USP33: variants seen among roughly 807,000 people sequenced by gnomAD.
USP33 encodes ubiquitin carboxyl-terminal hydrolase 33.
In USP33, 46 loss-of-function variants were observed where a neutral mutation model predicts 124.2. The ratio of observed to expected loss-of-function variants is 0.37; its 90% CI spans 0.29 to 0.47. The LOEUF (loss-of-function observed/expected upper bound fraction) is 0.47, where lower values mean the gene tolerates loss of function less well. Among genes scored for constraint, USP33 ranks in the 20% least tolerant of loss-of-function variants. The pLI, the probability that USP33 is intolerant of heterozygous loss-of-function variation, is 0.99. For synonymous variants in USP33, 350 were observed against 352.3 expected, an observed-to-expected ratio of 0.99 and a Z score of 0.07; for missense variants, 851 against 1,070.6, an observed-to-expected ratio of 0.79 and a Z score of 2.86.
chr1:77,723,230 A>G (rs1676777278), intron 12 of USP33, 101 bp downstream of exon 12: 2 of 872,560 alleles, frequency 2.3e-6, no homozygotes, highest in Non-Finnish European at 3.6e-6. Flanking sequence ...TATGCTCATC[A>G]ATAGCAAAGA....
chr1:77,729,657 C>CA (rs1352100258), intron 9 of USP33, among the ~76,000 whole-genome samples: 5 of 151,674 alleles, frequency 3.3e-5, no homozygotes, highest in Admixed American at 6.6e-5. Context: ...GGCGATAGAG[C>CA]AAGACTCTGC....
intron 17 of USP33, chr1:77,717,648 ATAT>A (rs1676078126): frequency 3.2e-6 from 1 of 311,140 alleles, no homozygotes; most frequent in Admixed American, 4.9e-5. Flanking sequence ...TTTTATTCAG[ATAT>A]TATTTAAAAG....
intron 21 of USP33, among the ~76,000 whole-genome samples, chr1:77,705,713 C>T (rs893804729): frequency 2.6e-5 from 4 of 151,966 alleles, no homozygotes; most frequent in South Asian, 2.1e-4. Context: ...TCCCACTCTT[C>T]GTATGGACTT....
intron 7 of USP33, among the ~76,000 whole-genome samples, chr1:77,732,637 G>A (rs12030080): frequency 0.061 from 9,192 of 151,924 alleles, 364 homozygotes; most frequent in East Asian, 0.18. Context: ...ACTGTACCCC[G>A]TCACACAGAT....
At chr1:77,759,593 G>C (rs1211752695) in intron 1 of USP33, 50 bp downstream of exon 1, 2 of 398,094 alleles carry the variant, frequency 5.0e-6, no homozygotes, top group African/African-American at 2.1e-5. Context: ...CCCCGGACGC[G>C]AGCGAAACGC....
intron 1 of USP33, among the ~76,000 whole-genome samples, chr1:77,750,726 T>C (rs368300050): frequency 6.6e-6 from 1 of 152,190 alleles, no homozygotes; most frequent in South Asian, 2.1e-4. Flanking sequence ...AGGCTAACAA[T>C]TTGTCCCAAG....
intron 21 of USP33, among the ~76,000 whole-genome samples, chr1:77,707,743 A>C (rs1451662257): frequency 1.3e-5 from 2 of 152,242 alleles, no homozygotes; most frequent in African/African-American, 4.8e-5. Context: ...AGAGGAAATA[A>C]GAAATGGGTA....
At chr1:77,738,418 G>T (rs1345409420) in intron 5 of USP33, among the ~76,000 whole-genome samples, 1 of 152,090 alleles carries the variant, frequency 6.6e-6, no homozygotes, top group East Asian at 1.9e-4. Flanking sequence ...AAAATTAAGT[G>T]ATAAATTCTG....
chr1:77,714,483 A>G, intron 19 of USP33, 131 bp downstream of exon 19: 1 of 885,612 alleles, frequency 1.1e-6, no homozygotes, highest in Non-Finnish European at 1.7e-6. Context: ...ATATGGAATT[A>G]AAACACATTA....
intron 11 of USP33, among the ~76,000 whole-genome samples, chr1:77,725,344 C>T (rs1028168496): frequency 6.6e-6 from 1 of 152,116 alleles, no homozygotes; most frequent in Non-Finnish European, 1.5e-5. Context: ...TAGAGCTGTT[C>T]TGTATTCTGT....
intron 17 of USP33, among the ~76,000 whole-genome samples, chr1:77,716,249 G>A (rs1038012011): frequency 2.6e-5 from 4 of 151,890 alleles, no homozygotes; most frequent in Admixed American, 2.6e-4. Context: ...TTTTACAGAT[G>A]GGGTCTTGCT....
At chr1:77,750,667 A>AGAAAG (rs374039128) in intron 1 of USP33, among the ~76,000 whole-genome samples, 1,879 of 150,864 alleles carry the variant, frequency 0.012, 40 homozygotes, top group African/African-American at 0.044. Context: ...AAAGAAAGAA[A>AGAAAG]GAAAGAAAGA....
intron 22 of USP33, 137 bp from the exon 23 acceptor site, chr1:77,698,068 C>CA: frequency 2.6e-5 from 11 of 428,724 alleles, no homozygotes; most frequent in Admixed American, 8.8e-5. Flanking sequence ...ATAGTTAATT[C>CA]TTTTTTTTTT....
At chr1:77,717,070 T>G (rs1306084821) in intron 17 of USP33, among the ~76,000 whole-genome samples, 2 of 151,970 alleles carry the variant, frequency 1.3e-5, no homozygotes, top group Admixed American at 1.3e-4. Context: ...TTTCACAATG[T>G]CGGCCAGACT....
intron 21 of USP33, 64 bp from the exon 22 acceptor site, chr1:77,701,535 A>C: frequency 7.8e-7 from 1 of 1,287,278 alleles, no homozygotes; most frequent in Non-Finnish European, 1.1e-6. Context: ...AAACAATACC[A>C]TCATTCCACT....
chr1:77,740,965 A>C, intron 3 of USP33, 26 bp from the exon 4 acceptor site: 1 of 1,429,080 alleles, frequency 7.0e-7, no homozygotes, highest in South Asian at 1.3e-5. Context: ...TAGGAAGAAA[A>C]ATAAGGTACT....
chr1:77,701,467 T>G lies in USP33; in HGVS notation c.2411A>C (p.Asn804Thr), dbSNP rs998600338. ...KTELEIFIRL[N>T]RAFQKEDSPA... ...AGAGTCCTCTTTTTGGAACGCTCTG[T>G]TAAGCTACAAGGGGGAAAAAAAACA... The change falls in exon 22 of 24, where the codon AAC becomes ACC. Residue 804 changes from asparagine (N) to threonine (T), a missense_variant. By Grantham distance (65) the Asn-to-Thr change is moderately conservative. Around this residue, in one of 4 missense-constraint regions of USP33, gnomAD observed 142 missense variants for 141.8 expected, o/e 1.00. Transcript: ENST00000370794. 3 of 1,611,764 alleles carry G rather than the reference T, an allele frequency of 1.9e-6. No homozygotes were observed. Among genetic ancestry groups the G allele is most frequent in the Middle Eastern group, 1.6e-4 (1 of 6,082 alleles).
At chr1:77,701,702 T>C in intron 21 of USP33, 4 of 349,898 alleles carry the variant, frequency 1.1e-5, no homozygotes. Flanking sequence ...AGAGTTTTGC[T>C]GTTGTTGCCC....
rs1337662185 is a variant in USP33 at position 77,703,358 on chromosome 1, T to C, written c.2407-1887A>G. Among the ~76,000 whole-genome samples, 6 of 152,306 alleles carry C rather than the reference T, an allele frequency of 3.9e-5. No homozygotes were observed. In the East Asian group the frequency reaches 1.2e-3, roughly 29 times the overall value. Reference sequence around the variant, plus strand: ...AAACTCCAACCTGGGCCAGGCGCAGTGGCTCACGCCTGTAATCCCAGCACT... The same window carrying C: ...AAACTCCAACCTGGGCCAGGCGCAGCGGCTCACGCCTGTAATCCCAGCACT... On this transcript the variant is annotated intron_variant, in intron 21 of 23. Coordinates refer to ENST00000370794, the MANE Select transcript of USP33 (RefSeq NM_201624.3).
Sources: gnomAD v4.1 joint callset for allele counts (sites outside exome capture counted in the v4.1 genomes callset) on GRCh38, gnomAD v4.1.1 for gene constraint, gnomAD v4.1.1 regional missense constraint, MANE v1.5 for transcripts, NCBI Gene and HGNC (gene_info 2026-07-23, HGNC 2026-07-21) for gene names.